TP63: variants seen among roughly 807,000 people sequenced by gnomAD.
TP63 encodes tumor protein p63, also known as tumor protein 63.
Under a neutral mutation model 82.8 loss-of-function variants are expected in TP63, and 17 were observed. The observed-to-expected ratio is 0.21, with a 90% CI of 0.14 to 0.31. The LOEUF (loss-of-function observed/expected upper bound fraction) is 0.31, where lower values mean the gene tolerates loss of function less well. TP63 is among the 10% of genes least tolerant of loss of function. The pLI, the probability that TP63 is intolerant of heterozygous loss-of-function variation, is 1.00. For synonymous variants in TP63, 330 were observed against 321.7 expected (o/e 1.03, Z -0.28); for missense variants, 648 against 895.3 (o/e 0.72, Z 3.52).
intron 1 of TP63, among the ~76,000 whole-genome samples, chr3:189,708,913 C>T (rs1397310596): frequency 3.3e-5 from 5 of 152,148 alleles, no homozygotes; most frequent in African/African-American, 9.7e-5. Flanking sequence ...AGAGCCTTTA[C>T]GTTGTGTTCA....
At chr3:189,822,401 C>T (rs1341590601) in intron 4 of TP63, among the ~76,000 whole-genome samples, 1 of 152,074 alleles carries the variant, frequency 6.6e-6, no homozygotes, top group Non-Finnish European at 1.5e-5. Context: ...GCTAGATTAG[C>T]CATCCTGAGG....
chr3:189,880,435 T>G, intron 10 of TP63: 4 of 1,076,502 alleles, frequency 3.7e-6, no homozygotes, highest in Non-Finnish European at 4.5e-6. Context: ...GAGGAACCAC[T>G]GTGTTTGTCT....
intron 1 of TP63, among the ~76,000 whole-genome samples, chr3:189,675,246 C>T (rs1715286069): frequency 6.6e-6 from 1 of 152,068 alleles, no homozygotes. Context: ...CCAAAGACCT[C>T]ACCTCCTCCA....
At chr3:189,831,660 T>G (rs1483455224) in intron 4 of TP63, among the ~76,000 whole-genome samples, 1 of 151,668 alleles carries the variant, frequency 6.6e-6, no homozygotes, top group African/African-American at 2.4e-5. Flanking sequence ...TCTGCACCGT[T>G]TGAGCTCCTA....
At chr3:189,718,393 A>G (rs932802362) in intron 1 of TP63, among the ~76,000 whole-genome samples, 4 of 151,546 alleles carry the variant, frequency 2.6e-5, no homozygotes, top group Non-Finnish European at 5.9e-5. Context: ...ACTGACAACC[A>G]TGACAGAAGG....
chr3:189,831,003 A>G (rs2037129), intron 4 of TP63, among the ~76,000 whole-genome samples: 53,425 of 152,042 alleles, frequency 0.35, 9,603 homozygotes, highest in East Asian at 0.52. Flanking sequence ...AAGTTCCTCT[A>G]CCAGCTTTTG....
rs569295656 is a variant in TP63, at chr3:189,687,688, G to A, written c.63-50052G>A. 7.0e-4 allele frequency among the ~76,000 whole-genome samples: 106 copies of A among 152,306 alleles called. No homozygotes were observed. In the South Asian group the frequency reaches 7.7e-3, roughly 11 times the overall value. On this transcript the variant is annotated intron_variant, in intron 1 of 13. Transcript: ENST00000264731. ...ATATCAAGCTTCAAATGGGCGACTG[G>A]ACAATGTGCCCTTTAAAGTGACTTC...
intron 4 of TP63, among the ~76,000 whole-genome samples, chr3:189,851,335 G>T (rs1715600088): frequency 6.6e-6 from 1 of 152,184 alleles, no homozygotes. Context: ...GAGGCAGGTA[G>T]ATCGCTTGAG....
At position 189,895,428 on chromosome 3, in the gene TP63, C is replaced by T. The variant is rs1577215866; in HGVS notation, c.*926C>T. 4 of 217,736 alleles carry T rather than the reference C, an allele frequency of 1.8e-5. No homozygotes were observed. In the East Asian group the frequency reaches 2.7e-4, roughly 15 times the overall value. The allele number at this position is 217,736 out of a possible 1,614,324, so 13.5% of individuals were successfully genotyped here. ...ATTGGGAAAACATTTGCTGCCATTACAGAGGTATTAAAACTAAATTTCACT... is the reference window on the plus strand; with the variant it reads ...ATTGGGAAAACATTTGCTGCCATTATAGAGGTATTAAAACTAAATTTCACT... On this transcript the variant is annotated 3_prime_UTR_variant, in exon 14 of 14. Coordinates refer to ENST00000264731, the MANE Select transcript of TP63 (RefSeq NM_003722.5).
intron 1 of TP63, among the ~76,000 whole-genome samples, chr3:189,709,354 C>T (rs148263174): frequency 6.6e-6 from 1 of 152,228 alleles, no homozygotes; most frequent in Non-Finnish European, 1.5e-5. Flanking sequence ...CTTCATGGAA[C>T]TTTAACAAAC....
intron 4 of TP63, among the ~76,000 whole-genome samples, chr3:189,847,393 T>C (rs758034843): frequency 3.9e-5 from 6 of 152,122 alleles, no homozygotes; most frequent in Non-Finnish European, 8.8e-5. Flanking sequence ...TCATCATCAT[T>C]ATCATCAAAT....
chr3:189,643,874 A>G (rs954388617), intron 1 of TP63, among the ~76,000 whole-genome samples: 1 of 152,160 alleles, frequency 6.6e-6, no homozygotes, highest in Admixed American at 6.5e-5. Context: ...ACCCATGGTT[A>G]CTCAATAATT....
intron 1 of TP63, among the ~76,000 whole-genome samples, chr3:189,731,622 G>T (rs1272196754): frequency 6.6e-6 from 1 of 152,208 alleles, no homozygotes; most frequent in Non-Finnish European, 1.5e-5. Context: ...GGCAAAGCAA[G>T]AGGGAGTGCA....
chr3:189,678,444 A>G (rs112466960), intron 1 of TP63, among the ~76,000 whole-genome samples: 2,446 of 151,994 alleles, frequency 0.016, 73 homozygotes, highest in African/African-American at 0.056. Flanking sequence ...TGATCTATGT[A>G]TCTATTTTTA....
chr3:189,795,846 C>T (rs1422481288), intron 3 of TP63, among the ~76,000 whole-genome samples: 5 of 152,030 alleles, frequency 3.3e-5, no homozygotes, highest in South Asian at 4.2e-4. Flanking sequence ...AAAATTAGCC[C>T]GAATGATTCC....
intron 3 of TP63, among the ~76,000 whole-genome samples, chr3:189,741,044 C>T (rs988824280): frequency 2.0e-5 from 3 of 151,962 alleles, no homozygotes; most frequent in South Asian, 2.1e-4. Flanking sequence ...GTAGGAGATT[C>T]GGAGAGAGCT....
chr3:189,598,315 G>A, the TP63 span, among the ~76,000 whole-genome samples: 35 of 149,946 alleles, frequency 2.3e-4, no homozygotes, highest in African/African-American at 8.4e-4. Context: ...GGGAGGGAAC[G>A]GAATGGGAGA....
intron 10 of TP63, chr3:189,881,356 A>T (rs1719894696): frequency 1.8e-5 from 18 of 985,284 alleles, no homozygotes; most frequent in Non-Finnish European, 2.2e-5. Context: ...GACTTTAAAA[A>T]TGTTCCTCCC....
intron 3 of TP63, among the ~76,000 whole-genome samples, chr3:189,752,663 T>A (rs1721907381): frequency 1.3e-5 from 2 of 152,128 alleles, no homozygotes; most frequent in Non-Finnish European, 2.9e-5. Context: ...ATTTTCAACT[T>A]GATTATTTCC....
Sources: gnomAD v4.1 joint callset for allele counts (sites outside exome capture counted in the v4.1 genomes callset) on GRCh38, gnomAD v4.1.1 for gene constraint, MANE v1.5 for transcripts, NCBI Gene and HGNC (gene_info 2026-07-23, HGNC 2026-07-21) for gene names.